The following SPMIP7 variants were observed in gnomAD, a reference collection of about 807,000 sequenced individuals.
SPMIP7 encodes the protein protein SPMIP7.
chr7:50,107,475 G>A, the SPMIP7 span, among the ~76,000 whole-genome samples: 8 of 149,638 alleles, frequency 5.3e-5, no homozygotes. Flanking sequence ...GAACTTTATA[G>A]ATGGGTTCAG....
At chr7:50,124,528 A>T in the SPMIP7 span, among the ~76,000 whole-genome samples, 1 of 152,208 alleles carries the variant, frequency 6.6e-6, no homozygotes, top group Non-Finnish European at 1.5e-5. Context: ...TTCATCCCAC[A>T]TATGTTCTCT....
the SPMIP7 span, chr7:50,151,644 A>G: frequency 3.5e-6 from 3 of 868,700 alleles, no homozygotes; most frequent in Admixed American, 3.3e-5. Context: ...GAACAATTAA[A>G]TAGTAAAAGC....
At chr7:50,125,231 T>TATATATACAC in the SPMIP7 span, among the ~76,000 whole-genome samples, 1 of 38,502 alleles carries the variant, frequency 2.6e-5, no homozygotes, top group Non-Finnish European at 4.6e-5. Context: ...TATATACACA[T>TATATATACAC]ATATATACAC....
At chr7:50,129,315 GTTAA>G in the SPMIP7 span, among the ~76,000 whole-genome samples, 3 of 151,780 alleles carry the variant, frequency 2.0e-5, no homozygotes, top group Middle Eastern at 3.4e-3. Context: ...ACAATAATTA[GTTAA>G]TTAATTTTGA....
chr7:50,112,302 C>A, the SPMIP7 span, among the ~76,000 whole-genome samples: 2 of 151,588 alleles, frequency 1.3e-5, no homozygotes, highest in Non-Finnish European at 2.9e-5. Context: ...GAGCAAAAAC[C>A]AAGCAGTGGA....
the SPMIP7 span, chr7:50,136,130 A>C: frequency 2.2e-5 from 34 of 1,551,512 alleles, no homozygotes; most frequent in South Asian, 3.9e-4. Flanking sequence ...GATTTCAAAC[A>C]AGATCTTTCT....
the SPMIP7 span, chr7:50,134,347 C>T: frequency 2.0e-6 from 2 of 990,514 alleles, no homozygotes; most frequent in East Asian, 2.8e-5. Flanking sequence ...TTAACAATAC[C>T]TAAGGAAGTA....
chr7:50,127,150 A>G, the SPMIP7 span, among the ~76,000 whole-genome samples: 1 of 152,086 alleles, frequency 6.6e-6, no homozygotes, highest in Non-Finnish European at 1.5e-5. Flanking sequence ...GGAATACACA[A>G]TGGGAAAAGG....
At chr7:50,121,882 C>A in the SPMIP7 span, among the ~76,000 whole-genome samples, 11 of 152,062 alleles carry the variant, frequency 7.2e-5, no homozygotes, top group Admixed American at 7.2e-4. Context: ...GCCTTGAACT[C>A]CTGACCTCAG....
chr7:50,139,273 C>T, the SPMIP7 span, among the ~76,000 whole-genome samples: 4 of 149,816 alleles, frequency 2.7e-5, no homozygotes, highest in South Asian at 2.1e-4. Flanking sequence ...CACTTGAACC[C>T]GGGAGACGGA....
chr7:50,125,155 T>C, the SPMIP7 span, among the ~76,000 whole-genome samples: 47 of 35,514 alleles, frequency 1.3e-3, 10 homozygotes, highest in Middle Eastern at 0.022. Flanking sequence ...TACACACATA[T>C]ATATACACAT....
chr7:50,130,335 A>C, the SPMIP7 span, among the ~76,000 whole-genome samples: 1 of 152,086 alleles, frequency 6.6e-6, no homozygotes, highest in Admixed American at 6.6e-5. Flanking sequence ...GGCAAGGAGG[A>C]GCAAAGTTAC....
At chr7:50,123,490 C>T in the SPMIP7 span, among the ~76,000 whole-genome samples, 224 of 149,580 alleles carry the variant, frequency 1.5e-3, 3 homozygotes, top group African/African-American at 5.2e-3. Flanking sequence ...GTGGTTGCAG[C>T]GCACCAGCAT....
chr7:50,119,292 C>G, the SPMIP7 span, among the ~76,000 whole-genome samples: 2,651 of 152,264 alleles, frequency 0.017, 40 homozygotes, highest in Non-Finnish European at 0.025. Context: ...TAAACCTGAC[C>G]AGGAAAACTT....
chr7:50,127,818 T>C, the SPMIP7 span, among the ~76,000 whole-genome samples: 1 of 151,762 alleles, frequency 6.6e-6, no homozygotes, highest in Non-Finnish European at 1.5e-5. Context: ...GAATAACAAA[T>C]GCTGGTGAGG....
At chr7:50,155,874 C>CCCTCACTATACACACATACTGCA in the SPMIP7 span, among the ~76,000 whole-genome samples, 20 of 152,086 alleles carry the variant, frequency 1.3e-4, no homozygotes, top group South Asian at 4.1e-4. Flanking sequence ...TCATCCATGG[C>CCCTCACTATACACACATACTGCA]CTGAGTGGGA....
the SPMIP7 span, chr7:50,136,217 T>C: frequency 4.6e-6 from 6 of 1,315,020 alleles, no homozygotes; most frequent in African/African-American, 1.5e-5. Flanking sequence ...TATCATGTTT[T>C]GTAATTAAGA....
the SPMIP7 span, among the ~76,000 whole-genome samples, chr7:50,146,776 T>C: frequency 6.6e-6 from 1 of 152,190 alleles, no homozygotes; most frequent in Non-Finnish European, 1.5e-5. Context: ...TTACTACTCT[T>C]CCTCCGTCTC....
chr7:50,127,889 A>G, the SPMIP7 span, among the ~76,000 whole-genome samples: 1,189 of 152,034 alleles, frequency 7.8e-3, 12 homozygotes, highest in African/African-American at 0.027. Context: ...TACAGTCACT[A>G]TGGAAAACAG....
Sources: gnomAD v4.1 joint callset for allele counts (sites outside exome capture counted in the v4.1 genomes callset) on GRCh38, gnomAD v4.1.1 for gene constraint, MANE v1.5 for transcripts, NCBI Gene and HGNC (gene_info 2026-07-23, HGNC 2026-07-21) for gene names.